The following GXYLT1 variants were observed in gnomAD, a reference collection of about 807,000 sequenced individuals.
GXYLT1 encodes glycosyltransferase 8 domain containing 3.
A neutral mutation model predicts 54.0 loss-of-function variants in GXYLT1; 29 were observed. The observed-to-expected ratio is 0.54, with a 90% CI of 0.40 to 0.73. The LOEUF (loss-of-function observed/expected upper bound fraction) is 0.73. Ranked by LOEUF, GXYLT1 falls within the 30% of genes least tolerant of loss-of-function variation. The pLI, the probability that GXYLT1 is intolerant of heterozygous loss-of-function variation, is 0.00. For synonymous variants in GXYLT1, 176 were observed against 204.1 expected (o/e 0.86, Z 1.17); for missense variants, 490 against 553.4 (o/e 0.89, Z 1.15).
chr12:42,117,452 G>A (rs1474004086), intron 3 of GXYLT1, among the ~76,000 whole-genome samples: 1 of 151,524 alleles, frequency 6.6e-6, no homozygotes, highest in African/African-American at 2.4e-5. Context: ...AAGTATAAAC[G>A]TTTTTGGCAG....
At chr12:42,134,915 T>C (rs1269379862) in intron 1 of GXYLT1, among the ~76,000 whole-genome samples, 1 of 152,206 alleles carries the variant, frequency 6.6e-6, no homozygotes, top group East Asian at 1.9e-4. Flanking sequence ...AATTAGTCTT[T>C]CTTTCTCCTT....
intron 5 of GXYLT1, among the ~76,000 whole-genome samples, chr12:42,100,148 T>C (rs1262456429): frequency 2.6e-5 from 4 of 152,134 alleles, no homozygotes; most frequent in Non-Finnish European, 4.4e-5. Flanking sequence ...AACTTGGTGT[T>C]GGAAGGGGTA....
At chr12:42,105,794 C>T (rs2065415744) in intron 5 of GXYLT1, 24 bp downstream of exon 5, 1 of 1,570,186 alleles carries the variant, frequency 6.4e-7, no homozygotes, top group African/African-American at 1.4e-5. Flanking sequence ...GAAATGTTAA[C>T]AACTACCTGT....
chr12:42,115,667 G>T (rs903158500), intron 3 of GXYLT1, among the ~76,000 whole-genome samples: 1 of 151,756 alleles, frequency 6.6e-6, no homozygotes, highest in Middle Eastern at 3.2e-3. Context: ...CATGCTCATG[G>T]GTAGGAAGAA....
intron 3 of GXYLT1, among the ~76,000 whole-genome samples, chr12:42,110,483 T>C (rs975382159): frequency 1.1e-4 from 17 of 152,212 alleles, no homozygotes; most frequent in Non-Finnish European, 2.1e-4. Context: ...ACTAATATCT[T>C]CCAATATAGT....
At chr12:42,100,655 A>ATTT (rs1475381918) in intron 5 of GXYLT1, among the ~76,000 whole-genome samples, 2 of 151,874 alleles carry the variant, frequency 1.3e-5, no homozygotes, top group African/African-American at 2.4e-5. Context: ...TATAATCAGA[A>ATTT]TTTTTTTTAA....
intron 1 of GXYLT1, among the ~76,000 whole-genome samples, chr12:42,137,346 A>C (rs2136920855): frequency 6.6e-6 from 1 of 151,888 alleles, no homozygotes; most frequent in East Asian, 1.9e-4. Context: ...GTCTCTACTA[A>C]AAACACAAAA....
At chr12:42,136,594 G>A (rs896395730) in intron 1 of GXYLT1, among the ~76,000 whole-genome samples, 27 of 152,074 alleles carry the variant, frequency 1.8e-4, no homozygotes, top group Non-Finnish European at 3.5e-4. Context: ...ACTGACCAAG[G>A]GGTAGCACAA....
At chr12:42,114,587 T>G (rs191971472) in intron 3 of GXYLT1, among the ~76,000 whole-genome samples, 18 of 152,148 alleles carry the variant, frequency 1.2e-4, no homozygotes, top group African/African-American at 3.9e-4. Flanking sequence ...CAGGAAGAAG[T>G]TGAATCTCTG....
intron 1 of GXYLT1, among the ~76,000 whole-genome samples, chr12:42,141,545 C>T (rs1347611091): frequency 4.0e-5 from 6 of 148,844 alleles, no homozygotes; most frequent in Admixed American, 3.3e-4. Context: ...GTGCTTTCAC[C>T]ACAAAAAAAA....
At chr12:42,097,705 C>A in intron 6 of GXYLT1, 91 bp from the exon 7 acceptor site, 1 of 1,218,076 alleles carries the variant, frequency 8.2e-7, no homozygotes, top group East Asian at 2.4e-5. Flanking sequence ...AAATACAGCT[C>A]TTACAAGTAA....
chr12:42,096,166 A>C (rs907696622), intron 7 of GXYLT1, among the ~76,000 whole-genome samples: 8 of 152,190 alleles, frequency 5.3e-5, no homozygotes, highest in Non-Finnish European at 1.0e-4. Flanking sequence ...CATTAACATC[A>C]TGTGTGCACG....
At chr12:42,116,778 G>A (rs1478584616) in intron 3 of GXYLT1, among the ~76,000 whole-genome samples, 4 of 152,114 alleles carry the variant, frequency 2.6e-5, no homozygotes, top group South Asian at 2.1e-4. Context: ...CCATTACTGC[G>A]TACATACCCA....
chr12:42,121,659 A>G (rs1201383828), intron 2 of GXYLT1, among the ~76,000 whole-genome samples: 1 of 151,350 alleles, frequency 6.6e-6, no homozygotes, highest in Non-Finnish European at 1.5e-5. Flanking sequence ...TCTCAAGGAA[A>G]AAAAAAAAAA....
At chr12:42,102,660 C>G (rs935401731) in intron 5 of GXYLT1, among the ~76,000 whole-genome samples, 2 of 151,954 alleles carry the variant, frequency 1.3e-5, no homozygotes, top group Non-Finnish European at 2.9e-5. Context: ...GAAAAAATTC[C>G]CACCATGTCT....
rs1012407857 is a variant in GXYLT1, at chr12:42,083,776, C to T, written c.*4010G>A. On this transcript the variant is annotated 3_prime_UTR_variant, in exon 8 of 8. Coordinates refer to ENST00000398675, the MANE Select transcript of GXYLT1 (RefSeq NM_173601.2). Reference sequence around the variant, plus strand: ...GCAGTGATTCCCAAACCTGGCCTCTCGTCAGTATCATCTGCGAAAACTGCT... The same window carrying T: ...GCAGTGATTCCCAAACCTGGCCTCTTGTCAGTATCATCTGCGAAAACTGCT... The T allele has an allele frequency of 2.0e-5, 3 of 152,190 alleles. No homozygotes were observed. Among genetic ancestry groups the T allele is most frequent in the Non-Finnish European group, 2.9e-5 (2 of 68,034 alleles). The allele number at this position is 152,190 out of a possible 1,614,324, so 9.4% of individuals were successfully genotyped here.
intron 3 of GXYLT1, among the ~76,000 whole-genome samples, chr12:42,115,284 A>G (rs1565574446): frequency 1.3e-5 from 2 of 152,334 alleles, no homozygotes; most frequent in Non-Finnish European, 2.9e-5. Context: ...TGGCCAGGGC[A>G]ATCAGGCAGG....
At chr12:42,130,863 C>T (rs1383847615) in intron 1 of GXYLT1, among the ~76,000 whole-genome samples, 1 of 152,156 alleles carries the variant, frequency 6.6e-6, no homozygotes, top group African/African-American at 2.4e-5. Flanking sequence ...GGGAGGATGG[C>T]ATGAGCCCAG....
chr12:42,113,092 G>C (rs1027100942), intron 3 of GXYLT1, among the ~76,000 whole-genome samples: 5 of 151,078 alleles, frequency 3.3e-5, no homozygotes, highest in African/African-American at 1.2e-4. Context: ...GAGAGATTTT[G>C]TCACCACCAG....
Sources: gnomAD v4.1 joint callset for allele counts (sites outside exome capture counted in the v4.1 genomes callset) on GRCh38, gnomAD v4.1.1 for gene constraint, MANE v1.5 for transcripts, NCBI Gene and HGNC (gene_info 2026-07-23, HGNC 2026-07-21) for gene names.